Variants in GRIN2B observed in about 807,000 individuals in gnomAD.
GRIN2B encodes glutamate ionotropic receptor NMDA type subunit 2B, also known as glutamate receptor ionotropic, NMDA 2B.
Under a neutral mutation model 114.5 loss-of-function variants are expected in GRIN2B, and 5 were observed. That is an observed-to-expected ratio of 0.04 (90% CI 0.02 to 0.09). GRIN2B has a LOEUF of 0.09. GRIN2B is among the 10% of genes least tolerant of loss of function. The probability of loss-of-function intolerance (pLI) is 1.00; values close to 1 mark genes in which losing one functional copy is unlikely to be tolerated. For missense variants in GRIN2B, 1,108 were observed against 1,943.5 expected, an observed-to-expected ratio of 0.57 and a Z score of 8.08; for synonymous variants, 787 against 745.1, an observed-to-expected ratio of 1.06 and a Z score of -0.92.
chr12:13,589,395 CAG>C (rs1192146840), intron 10 of GRIN2B, among the ~76,000 whole-genome samples: 1 of 152,162 alleles, frequency 6.6e-6, no homozygotes, highest in African/African-American at 2.4e-5. Flanking sequence ...GATAACAAAA[CAG>C]AGCTACTGAT....
rs149570138 is a variant in GRIN2B, at chr12:13,548,018, C to T, written c.*14765G>A. 8.0e-4 allele frequency: 100 copies of T among 125,556 alleles called. No homozygotes were observed. Among genetic ancestry groups the T allele is most frequent in the Admixed American group, 1.4e-3 (15 of 10,796 alleles). 7.8% of individuals were successfully genotyped at this position (125,556 alleles called of 1,614,324 possible). A position where few individuals can be genotyped will look rare whatever the true frequency, so the allele number is the denominator to read the frequency against. On this transcript the variant is annotated 3_prime_UTR_variant, in exon 14 of 14. Transcript: ENST00000609686. ...TTTCTGAAAGCTACAGAAGAGACCA[C>T]GGAGATGTGTGAGCTGCCAAGGTGC...
At chr12:13,772,773 G>A (rs919392460) in intron 3 of GRIN2B, among the ~76,000 whole-genome samples, 1 of 152,162 alleles carries the variant, frequency 6.6e-6, no homozygotes, top group African/African-American at 2.4e-5. Flanking sequence ...CCTTGTAAGA[G>A]GTTTTTTTTT....
intron 5 of GRIN2B, among the ~76,000 whole-genome samples, chr12:13,620,270 G>A (rs926344668): frequency 2.6e-5 from 4 of 152,186 alleles, no homozygotes; most frequent in African/African-American, 9.6e-5. Flanking sequence ...TCTGAGGCAT[G>A]GGGAGCAATT....
chr12:13,912,479 C>G (rs1866641236), intron 2 of GRIN2B, among the ~76,000 whole-genome samples: 1 of 152,174 alleles, frequency 6.6e-6, no homozygotes, highest in African/African-American at 2.4e-5. Context: ...CTACACTAAA[C>G]CGCCATTAGG....
intron 2 of GRIN2B, among the ~76,000 whole-genome samples, chr12:13,874,989 T>C (rs768768686): frequency 2.6e-5 from 4 of 152,118 alleles, no homozygotes; most frequent in Non-Finnish European, 4.4e-5. Flanking sequence ...TCTGCCATAG[T>C]AGTTTCCTGC....
chr12:13,598,498 C>T (rs1166951333), intron 10 of GRIN2B, among the ~76,000 whole-genome samples: 1 of 152,126 alleles, frequency 6.6e-6, no homozygotes, highest in African/African-American at 2.4e-5. Context: ...GGGTCAAATG[C>T]CAGCCCTTCT....
chr12:13,849,227 C>T (rs1258280186), intron 3 of GRIN2B, among the ~76,000 whole-genome samples: 2 of 152,124 alleles, frequency 1.3e-5, no homozygotes, highest in Admixed American at 1.3e-4. Flanking sequence ...TGCTCTCTTT[C>T]TACCCTGCAG....
chr12:13,898,860 G>A (rs956404366), intron 2 of GRIN2B, among the ~76,000 whole-genome samples: 1 of 152,224 alleles, frequency 6.6e-6, no homozygotes, highest in South Asian at 2.1e-4. Context: ...GCAGTGAGCC[G>A]AGATTGTGCC....
At chr12:13,566,173 A>G (rs1312347916) in intron 13 of GRIN2B, among the ~76,000 whole-genome samples, 1 of 152,220 alleles carries the variant, frequency 6.6e-6, no homozygotes, top group East Asian at 1.9e-4. Flanking sequence ...GTAAAATACT[A>G]TAGGAAAATG....
chr12:13,635,211 C>T (rs1166044343), intron 5 of GRIN2B, among the ~76,000 whole-genome samples: 8 of 152,052 alleles, frequency 5.3e-5, no homozygotes, highest in Non-Finnish European at 7.4e-5. Flanking sequence ...GGCTGAGAAA[C>T]GTAGACTGTG....
intron 2 of GRIN2B, among the ~76,000 whole-genome samples, chr12:13,893,209 CACT>C (rs1201175770): frequency 6.6e-6 from 1 of 152,068 alleles, no homozygotes; most frequent in African/African-American, 2.4e-5. Context: ...TCTATTTCAC[CACT>C]GTTATCAATA....
chr12:13,822,371 T>C (rs761519263), intron 3 of GRIN2B, among the ~76,000 whole-genome samples: 3 of 152,158 alleles, frequency 2.0e-5, no homozygotes, highest in Non-Finnish European at 4.4e-5. Context: ...ATCGGGCACA[T>C]TGTATGTAGC....
At chr12:13,911,513 C>T (rs532821313) in intron 2 of GRIN2B, among the ~76,000 whole-genome samples, 1 of 152,358 alleles carries the variant, frequency 6.6e-6, no homozygotes, top group South Asian at 2.1e-4. Context: ...TCTTCACATA[C>T]TTCTCCTTGG....
intron 10 of GRIN2B, among the ~76,000 whole-genome samples, chr12:13,594,723 G>A (rs1015442451): frequency 2.9e-4 from 44 of 151,656 alleles, no homozygotes; most frequent in Admixed American, 1.1e-3. Context: ...CAAGTGGAAG[G>A]GCAGAAGTGG....
intron 2 of GRIN2B, among the ~76,000 whole-genome samples, chr12:13,885,811 G>A (rs755853166): frequency 2.0e-5 from 3 of 152,214 alleles, no homozygotes; most frequent in Non-Finnish European, 4.4e-5. Flanking sequence ...AATAAAGGTG[G>A]TAACGGTATA....
chr12:13,886,566 G>C (rs887677559), intron 2 of GRIN2B, among the ~76,000 whole-genome samples: 3 of 152,136 alleles, frequency 2.0e-5, no homozygotes, highest in African/African-American at 7.2e-5. Flanking sequence ...GTGGCAAAGA[G>C]AAACAGAAAT....
In GRIN2B at chr12:13,558,212, C is replaced by T. The variant is rs1948497559; in HGVS notation, c.*4571G>A. The T allele has an allele frequency of 6.6e-6, 1 of 152,130 alleles. No individual in the cohort carries two copies. Among genetic ancestry groups the T allele is most frequent in the Non-Finnish European group, 1.5e-5 (1 of 68,024 alleles). 9.4% of individuals were successfully genotyped at this position (152,130 alleles called of 1,614,324 possible). A position where few individuals can be genotyped will look rare whatever the true frequency, so the allele number is the denominator to read the frequency against. On this transcript the variant is annotated 3_prime_UTR_variant, in exon 14 of 14. Transcript: ENST00000609686. Reference sequence around the variant, plus strand: ...TATATGGCTTTGGGCTCAGAGAGCACATAAGGTATGGCCACAGTCCCTGGA... The same window carrying T: ...TATATGGCTTTGGGCTCAGAGAGCATATAAGGTATGGCCACAGTCCCTGGA...
At chr12:13,933,773 T>C (rs1017734142) in intron 2 of GRIN2B, among the ~76,000 whole-genome samples, 3 of 152,166 alleles carry the variant, frequency 2.0e-5, no homozygotes, top group Admixed American at 6.5e-5. Context: ...TGCCAGACAC[T>C]ATAGATGGTA....
chr12:13,908,793 C>G (rs537729352), intron 2 of GRIN2B, among the ~76,000 whole-genome samples: 4 of 152,184 alleles, frequency 2.6e-5, no homozygotes, highest in Non-Finnish European at 5.9e-5. Flanking sequence ...AGTCATCTCC[C>G]CTTGCTTGAG....
Sources: gnomAD v4.1 joint callset for allele counts (sites outside exome capture counted in the v4.1 genomes callset) on GRCh38, gnomAD v4.1.1 for gene constraint, MANE v1.5 for transcripts, NCBI Gene and HGNC (gene_info 2026-07-23, HGNC 2026-07-21) for gene names.